Variants in DYSF observed in about 807,000 individuals in gnomAD.
DYSF encodes dystrophy-associated fer-1-like 1.
A neutral mutation model predicts 274.9 loss-of-function variants in DYSF; 212 were observed. The observed-to-expected ratio is 0.77, with a 90% CI of 0.69 to 0.86. The LOEUF (loss-of-function observed/expected upper bound fraction) is 0.86, where lower values mean the gene tolerates loss of function less well. Ranked by LOEUF, DYSF falls within the 40% of genes least tolerant of loss-of-function variation. The pLI is 0.00. For synonymous variants in DYSF, 1,091 were observed against 1,078.7 expected, an observed-to-expected ratio of 1.01 and a Z score of -0.22; for missense variants, 2,666 against 2,783.2, an observed-to-expected ratio of 0.96 and a Z score of 0.95.
intron 40 of DYSF, among the ~76,000 whole-genome samples, chr2:71,618,292 G>A (rs2093971834): frequency 1.4e-5 from 2 of 140,880 alleles, no homozygotes; most frequent in African/African-American, 2.7e-5. Flanking sequence ...AGAGGTGTGT[G>A]TGTGGTAGAG....
At chr2:71,605,815 T>C (rs2093636421) in intron 36 of DYSF, among the ~76,000 whole-genome samples, 1 of 151,332 alleles carries the variant, frequency 6.6e-6, no homozygotes, top group Non-Finnish European at 1.5e-5. Flanking sequence ...TGGTCCCCCA[T>C]CCCCCATTCC....
chr2:71,630,325 CTA>C (rs903091078), intron 41 of DYSF, among the ~76,000 whole-genome samples: 16 of 152,184 alleles, frequency 1.1e-4, no homozygotes, highest in African/African-American at 3.1e-4. Flanking sequence ...AGTTTATTTC[CTA>C]TGTTTGTTAT....
chr2:71,469,542 C>T (rs989762403), intron 1 of DYSF, among the ~76,000 whole-genome samples: 3 of 152,178 alleles, frequency 2.0e-5, no homozygotes, highest in Admixed American at 2.0e-4. Context: ...GTGTTTGGCT[C>T]CTACAGGCAG....
intron 41 of DYSF, among the ~76,000 whole-genome samples, chr2:71,630,120 A>G (rs970860298): frequency 6.6e-6 from 1 of 152,198 alleles, no homozygotes; most frequent in African/African-American, 2.4e-5. Context: ...TGCTTGTCAA[A>G]TACTGGGACC....
intron 26 of DYSF, among the ~76,000 whole-genome samples, chr2:71,568,566 T>A (rs541813654): frequency 6.7e-6 from 1 of 149,500 alleles, no homozygotes; most frequent in African/African-American, 2.4e-5. Flanking sequence ...TTAAAAAAAT[T>A]TTTTTTTTTT....
intron 10 of DYSF, 96 bp downstream of exon 10, chr2:71,517,135 T>C (rs1165793843): frequency 8.6e-7 from 1 of 1,158,930 alleles, no homozygotes; most frequent in Non-Finnish European, 1.3e-6. Context: ...AGATCCTGTG[T>C]TTCTCTGCTT....
intron 36 of DYSF, among the ~76,000 whole-genome samples, chr2:71,610,328 A>G (rs889352981): frequency 6.6e-6 from 1 of 152,246 alleles, no homozygotes; most frequent in East Asian, 1.9e-4. Context: ...TAACCTTTAG[A>G]GGTTGACAAC....
At chr2:71,563,980 A>G (rs1252298627) in intron 23 of DYSF, 78 bp from the exon 24 acceptor site, 1 of 1,596,842 alleles carries the variant, frequency 6.3e-7, no homozygotes, top group Non-Finnish European at 8.6e-7. Context: ...TCTGAGTCAG[A>G]GGTCAGCTCA....
intron 52 of DYSF, among the ~76,000 whole-genome samples, chr2:71,675,970 C>G (rs1299360155): frequency 6.6e-6 from 1 of 152,050 alleles, no homozygotes; most frequent in Non-Finnish European, 1.5e-5. Context: ...CCAAGAACAT[C>G]CTTTCTGGTC....
At chr2:71,561,151 C>G (rs969604999) in intron 22 of DYSF, among the ~76,000 whole-genome samples, 1 of 152,144 alleles carries the variant, frequency 6.6e-6, no homozygotes, top group African/African-American at 2.4e-5. Flanking sequence ...ATGTACCCCC[C>G]ACCTCCTCTC....
chr2:71,585,190 C>T (rs1316884471), intron 30 of DYSF, among the ~76,000 whole-genome samples: 1 of 152,222 alleles, frequency 6.6e-6, no homozygotes, highest in South Asian at 2.1e-4. Flanking sequence ...AAACATCCTA[C>T]GACGCACAGG....
In DYSF at chr2:71,568,180, C is replaced by T. The variant is rs398123775; in HGVS notation, c.2706C>T (p.Asn902=). Residue 902 remains asparagine (N), a synonymous_variant, in exon 26 of 56, where the codon AAC becomes AAT. Coordinates refer to ENST00000410020, the MANE Select transcript of DYSF (RefSeq NM_001130987.2). ...KLSVFAETYE[N]ETKLALVGNW... ...TCTTCCTGGCCCTCCAGTATGAGAA[C>T]GAGACTAAGTTGGCCCTTGTTGGGA... The T allele has an allele frequency of 3.7e-6, 6 of 1,614,112 alleles. No individual in the cohort carries two copies. Among genetic ancestry groups the T allele is most frequent in the East Asian group, 2.2e-5 (1 of 44,896 alleles).
At chr2:71,473,433 T>A (rs959977044) in intron 1 of DYSF, among the ~76,000 whole-genome samples, 1 of 151,982 alleles carries the variant, frequency 6.6e-6, no homozygotes, top group African/African-American at 2.4e-5. Context: ...TAAGCAAGAG[T>A]CTGCATCTAG....
chr2:71,538,389 C>A (rs2089600950), intron 16 of DYSF, among the ~76,000 whole-genome samples: 1 of 152,166 alleles, frequency 6.6e-6, no homozygotes, highest in Non-Finnish European at 1.5e-5. Flanking sequence ...GTCCCCTACC[C>A]TGGTTGGGGA....
chr2:71,509,046 G>A (rs1029328352), intron 4 of DYSF, among the ~76,000 whole-genome samples: 1 of 151,798 alleles, frequency 6.6e-6, no homozygotes, highest in African/African-American at 2.4e-5. Flanking sequence ...TAGAGATGGG[G>A]GGTTTTACCA....
At chr2:71,646,217 G>GAAGAAT (rs2094565518) in intron 42 of DYSF, among the ~76,000 whole-genome samples, 2 of 152,222 alleles carry the variant, frequency 1.3e-5, no homozygotes, top group South Asian at 4.1e-4. Context: ...CCAGGAAGAA[G>GAAGAAT]GTCTGACACA....
chr2:71,618,905 C>A (rs1253128440), intron 40 of DYSF, among the ~76,000 whole-genome samples: 1 of 151,296 alleles, frequency 6.6e-6, no homozygotes, highest in Non-Finnish European at 1.5e-5. Context: ...TCTGGGACTC[C>A]CAGGCTCCCA....
intron 1 of DYSF, among the ~76,000 whole-genome samples, chr2:71,480,042 C>T (rs6546696): frequency 0.79 from 120,201 of 152,144 alleles, 48,015 homozygotes; most frequent in East Asian, 0.94. Flanking sequence ...AAGAAGAAAC[C>T]CTATACCCAT....
rs2092323337 is a variant in DYSF at position 71,569,874 on chromosome 2, G to A, written c.2919G>A (p.Glu973=). ...TGAGCTTCGTGGAAGAGGTGTTTGA[G>A]AACCAGACCCGGCTTCCCGGAGGCC... is the stretch of plus-strand genomic sequence containing the variant. ...GHLSFVEEVF[E]NQTRLPGGQW... is the part of the protein sequence containing the mutation. The change falls in exon 27 of 56, where the codon GAG becomes GAA. Residue 973 remains glutamate, a synonymous_variant. Coordinates refer to ENST00000410020, the MANE Select transcript of DYSF (RefSeq NM_001130987.2). The A allele has an allele frequency of 6.2e-7, 1 of 1,614,050 alleles. No homozygotes were observed.
Sources: allele counts gnomAD v4.1 joint callset (sites outside exome capture counted in the v4.1 genomes callset), GRCh38; gene constraint gnomAD v4.1.1; transcripts MANE v1.5; gene names NCBI Gene and HGNC (gene_info 2026-07-23, HGNC 2026-07-21).